The following EPHA6 variants were observed in gnomAD, a reference collection of about 807,000 sequenced individuals.
The protein encoded by EPHA6 is EPH receptor A6.
A neutral mutation model predicts 112.0 loss-of-function variants in EPHA6; 50 were observed. The observed-to-expected ratio is 0.45, with a 90% CI of 0.36 to 0.56. EPHA6 has a LOEUF of 0.56. Among genes scored for constraint, EPHA6 ranks in the 20% least tolerant of loss-of-function variants. The pLI is 0.00. For synonymous variants in EPHA6, 529 were observed against 490.7 expected (o/e 1.08, Z -1.03); for missense variants, 1,280 against 1,417.4 (o/e 0.90, Z 1.56).
At chr3:97,213,997 C>CTGTGTGTGTGTGTGTGTGTGTGTGTGTG (rs10557927) in intron 3 of EPHA6, among the ~76,000 whole-genome samples, 2 of 128,868 alleles carry the variant, frequency 1.6e-5, no homozygotes, top group African/African-American at 6.4e-5. Context: ...CTCATGTGTT[C>CTGTGTGTGTGTGTGTGTGTGTGTGTGTG]TGTGTGTGTG....
At chr3:97,106,863 A>G (rs934138816) in intron 3 of EPHA6, among the ~76,000 whole-genome samples, 1 of 152,124 alleles carries the variant, frequency 6.6e-6, no homozygotes, top group African/African-American at 2.4e-5. Context: ...CATGCCTTGC[A>G]AGGAGGATAA....
chr3:97,284,556 T>A (rs920931317), intron 5 of EPHA6, among the ~76,000 whole-genome samples: 2 of 152,210 alleles, frequency 1.3e-5, no homozygotes, highest in African/African-American at 4.8e-5. Flanking sequence ...TCTACTGAAC[T>A]GGCTTTTCTA....
At chr3:97,230,147 T>C (rs917896156) in intron 4 of EPHA6, among the ~76,000 whole-genome samples, 1 of 152,118 alleles carries the variant, frequency 6.6e-6, no homozygotes, top group African/African-American at 2.4e-5. Flanking sequence ...TGGAGCTTTC[T>C]AAGTGTTAGA....
At chr3:97,604,235 T>C (rs550430256) in intron 12 of EPHA6, among the ~76,000 whole-genome samples, 54 of 151,850 alleles carry the variant, frequency 3.6e-4, no homozygotes, top group Middle Eastern at 6.8e-3. Flanking sequence ...TAAAAAAGGT[T>C]ACTTGTCCAA....
chr3:96,964,508 T>A (rs1301010590), intron 2 of EPHA6, among the ~76,000 whole-genome samples: 2 of 152,196 alleles, frequency 1.3e-5, no homozygotes, highest in African/African-American at 4.8e-5. Context: ...TAGATAACAT[T>A]GTATCATAGA....
At chr3:97,025,590 T>G in intron 3 of EPHA6, among the ~76,000 whole-genome samples, 1 of 152,156 alleles carries the variant, frequency 6.6e-6, no homozygotes, top group Non-Finnish European at 1.5e-5. Context: ...GTTTTACATT[T>G]AAGTCTTTTT....
intron 6 of EPHA6, among the ~76,000 whole-genome samples, chr3:97,445,689 C>A (rs971174209): frequency 3.4e-5 from 5 of 148,890 alleles, no homozygotes; most frequent in Non-Finnish European, 6.0e-5. Context: ...GAACAGATAT[C>A]AAATGTAATA....
At chr3:97,239,642 G>A (rs2078783905) in intron 4 of EPHA6, among the ~76,000 whole-genome samples, 1 of 151,812 alleles carries the variant, frequency 6.6e-6, no homozygotes, top group African/African-American at 2.4e-5. Flanking sequence ...CATGATGAAG[G>A]TCTTTGCCCT....
chr3:97,227,441 G>A (rs561611265), intron 4 of EPHA6, among the ~76,000 whole-genome samples: 4 of 152,188 alleles, frequency 2.6e-5, no homozygotes, highest in South Asian at 4.1e-4. Flanking sequence ...GGCTGGTCTC[G>A]AACTCCTGAC....
chr3:97,299,561 G>A (rs1243916016), intron 5 of EPHA6, among the ~76,000 whole-genome samples: 1 of 152,000 alleles, frequency 6.6e-6, no homozygotes, highest in Non-Finnish European at 1.5e-5. Context: ...CTTTCTTATT[G>A]TTGTTTATTT....
intron 3 of EPHA6, among the ~76,000 whole-genome samples, chr3:97,021,347 C>A (rs1225773651): frequency 6.6e-6 from 1 of 152,258 alleles, no homozygotes; most frequent in East Asian, 1.9e-4. Context: ...AGGATCTAGC[C>A]GTTGCCTGCC....
intron 7 of EPHA6, among the ~76,000 whole-genome samples, chr3:97,454,303 T>C (rs974095208): frequency 3.3e-5 from 5 of 151,802 alleles, no homozygotes; most frequent in Admixed American, 2.0e-4. Context: ...TCTGTATATC[T>C]GTTTGTCTCA....
At chr3:97,272,936 G>T (rs535694596) in intron 5 of EPHA6, among the ~76,000 whole-genome samples, 8 of 152,174 alleles carry the variant, frequency 5.3e-5, no homozygotes, top group Admixed American at 2.0e-4. Context: ...AATTTTGGGG[G>T]GTGGTATGGA....
intron 2 of EPHA6, among the ~76,000 whole-genome samples, chr3:96,974,937 G>C (rs1051205435): frequency 2.6e-5 from 4 of 152,136 alleles, no homozygotes; most frequent in African/African-American, 9.7e-5. Flanking sequence ...ATACTCATAA[G>C]TCCCAGAGAG....
chr3:96,940,710 T>C lies in EPHA6; in HGVS notation c.451-46620T>C, dbSNP rs534039510. On this transcript the variant is annotated intron_variant, in intron 2 of 17. Coordinates refer to ENST00000389672, the MANE Select transcript of EPHA6 (RefSeq NM_001080448.3). ...TCCTAGCCTTGATGGTCTTTACAAT[T>C]TGGCATGTTTTTGTAGTGGCTGGTA... is the stretch of plus-strand genomic sequence containing the variant. Among the ~76,000 whole-genome samples, 127 of 152,316 alleles carry C rather than the reference T, an allele frequency of 8.3e-4. 1 individual carries two copies. Among genetic ancestry groups the C allele is most frequent in the African/African-American group, 2.9e-3 (121 of 41,580 alleles).
chr3:97,456,917 T>A (rs2090709982), intron 7 of EPHA6, among the ~76,000 whole-genome samples: 1 of 152,156 alleles, frequency 6.6e-6, no homozygotes, highest in Non-Finnish European at 1.5e-5. Context: ...TAGTGAAAAA[T>A]ATATTCTCTA....
chr3:97,032,175 T>A (rs2044880338), intron 3 of EPHA6, among the ~76,000 whole-genome samples: 1 of 152,128 alleles, frequency 6.6e-6, no homozygotes, highest in Non-Finnish European at 1.5e-5. Context: ...GAAACCATCA[T>A]TCTCAGAAAA....
intron 11 of EPHA6, among the ~76,000 whole-genome samples, chr3:97,576,114 A>G (rs995617893): frequency 6.6e-6 from 1 of 152,146 alleles, no homozygotes; most frequent in African/African-American, 2.4e-5. Context: ...TTGCTACCCT[A>G]AGGAATTTGG....
At chr3:97,000,287 A>ACACACACATATATAGC (rs138184966) in intron 3 of EPHA6, among the ~76,000 whole-genome samples, 9 of 147,200 alleles carry the variant, frequency 6.1e-5, no homozygotes, top group African/African-American at 1.5e-4. Context: ...ACACACACAC[A>ACACACACATATATAGC]CACACATATA....
Sources: allele counts gnomAD v4.1 joint callset (sites outside exome capture counted in the v4.1 genomes callset), GRCh38; gene constraint gnomAD v4.1.1; transcripts MANE v1.5; gene names NCBI Gene and HGNC (gene_info 2026-07-23, HGNC 2026-07-21).